The following SCAPER variants were observed in gnomAD, a reference collection of about 807,000 sequenced individuals.
SCAPER encodes S-phase cyclin A associated protein in the ER.
SCAPER carries 98 observed loss-of-function variants against 182.2 expected under a neutral mutation model. The observed-to-expected ratio is 0.54, with a 90% CI of 0.46 to 0.64. The LOEUF (loss-of-function observed/expected upper bound fraction) is 0.64, where lower values mean the gene tolerates loss of function less well. SCAPER is among the 30% of genes least tolerant of loss of function. The pLI, the probability that SCAPER is intolerant of heterozygous loss-of-function variation, is 0.00. For synonymous variants in SCAPER, 605 were observed against 564.6 expected (o/e 1.07, Z -1.01); for missense variants, 1,432 against 1,690.0 (o/e 0.85, Z 2.68).
chr15:76,631,251 G>A (rs774482056), intron 21 of SCAPER, among the ~76,000 whole-genome samples: 6 of 152,128 alleles, frequency 3.9e-5, no homozygotes, highest in African/African-American at 7.2e-5. Flanking sequence ...CCAGCTCGCC[G>A]TTCTGTGTCT....
At chr15:76,896,620 A>G (rs1269060808) in intron 1 of SCAPER, among the ~76,000 whole-genome samples, 1 of 152,066 alleles carries the variant, frequency 6.6e-6, no homozygotes, top group Non-Finnish European at 1.5e-5. Context: ...AAGAGAAAAA[A>G]CAATCCTAGA....
intron 31 of SCAPER, 67 bp downstream of exon 31, chr15:76,351,170 G>A (rs2040517986): frequency 1.3e-5 from 18 of 1,392,940 alleles, no homozygotes; most frequent in Non-Finnish European, 1.8e-5. Flanking sequence ...CAGTTCCAGA[G>A]GAAAGGATAA....
chr15:76,718,587 G>A (rs2060017517), intron 17 of SCAPER, among the ~76,000 whole-genome samples: 1 of 151,314 alleles, frequency 6.6e-6, no homozygotes, highest in African/African-American at 2.4e-5. Flanking sequence ...GCTGCAGTGA[G>A]CCAAAATCAT....
intron 5 of SCAPER, among the ~76,000 whole-genome samples, chr15:76,816,343 C>G (rs1451203633): frequency 2.6e-5 from 4 of 152,104 alleles, no homozygotes; most frequent in African/African-American, 7.2e-5. Context: ...ATTCTATAAG[C>G]TTTTTCCTAT....
chr15:76,794,584 C>A (rs1270217101), intron 8 of SCAPER, among the ~76,000 whole-genome samples: 1 of 152,150 alleles, frequency 6.6e-6, no homozygotes, highest in African/African-American at 2.4e-5. Flanking sequence ...TCTTTCTGAA[C>A]CGAAAAGTTC....
intron 2 of SCAPER, among the ~76,000 whole-genome samples, chr15:76,879,762 G>A (rs1363416327): frequency 1.3e-5 from 2 of 151,936 alleles, no homozygotes; most frequent in African/African-American, 2.4e-5. Context: ...TAAATGTAAC[G>A]TCCTAAGGCT....
intron 15 of SCAPER, 62 bp downstream of exon 15, chr15:76,753,741 CTATTA>C: frequency 4.0e-6 from 6 of 1,491,538 alleles, no homozygotes; most frequent in Middle Eastern, 1.8e-4. Flanking sequence ...TCTTCTATTA[CTATTA>C]TATAACAATT....
At chr15:76,449,162 C>A (rs2048202661) in intron 25 of SCAPER, among the ~76,000 whole-genome samples, 2 of 152,112 alleles carry the variant, frequency 1.3e-5, no homozygotes, top group South Asian at 2.1e-4. Context: ...ATTTATTTTT[C>A]TATAAAGGCC....
intron 2 of SCAPER, among the ~76,000 whole-genome samples, chr15:76,876,438 C>CAAAAAAAA (rs33959211): frequency 1.6e-5 from 2 of 122,754 alleles, no homozygotes; most frequent in Non-Finnish European, 1.7e-5. Flanking sequence ...AAAACAAAAG[C>CAAAAAAAA]AAAAAAAAAA....
intron 2 of SCAPER, among the ~76,000 whole-genome samples, chr15:76,879,698 A>C (rs2151947280): frequency 6.6e-6 from 1 of 152,306 alleles, no homozygotes; most frequent in South Asian, 2.1e-4. Flanking sequence ...AAGCATTCTA[A>C]GAGAGTATTC....
intron 23 of SCAPER, among the ~76,000 whole-genome samples, chr15:76,573,079 T>C (rs973518110): frequency 6.6e-6 from 1 of 152,094 alleles, no homozygotes; most frequent in Non-Finnish European, 1.5e-5. Flanking sequence ...TAACTTTGAC[T>C]GAAAAAATAA....
chr15:76,687,356 C>G (rs1232245502), intron 20 of SCAPER, among the ~76,000 whole-genome samples: 3 of 152,036 alleles, frequency 2.0e-5, no homozygotes, highest in African/African-American at 7.2e-5. Context: ...CAAAGTGGAA[C>G]TTATATAAGC....
At chr15:76,412,538 C>T (rs954921842) in intron 26 of SCAPER, among the ~76,000 whole-genome samples, 1 of 152,004 alleles carries the variant, frequency 6.6e-6, no homozygotes, top group Non-Finnish European at 1.5e-5. Flanking sequence ...TCAGCTCCCC[C>T]ACCCCAAATA....
At chr15:76,527,688 T>A (rs1368500308) in intron 23 of SCAPER, among the ~76,000 whole-genome samples, 1 of 152,216 alleles carries the variant, frequency 6.6e-6, no homozygotes, top group Admixed American at 6.5e-5. Context: ...GTCACAACAG[T>A]CTGCCTCCGG....
At chr15:76,508,810 T>C (rs1343334346) in intron 23 of SCAPER, among the ~76,000 whole-genome samples, 1 of 152,188 alleles carries the variant, frequency 6.6e-6, no homozygotes, top group African/African-American at 2.4e-5. Flanking sequence ...CTCCAGAAAG[T>C]TCCCCCATGC....
intron 20 of SCAPER, among the ~76,000 whole-genome samples, chr15:76,692,696 G>GAAA (rs71143354): frequency 0.31 from 30,660 of 98,674 alleles, 4,283 homozygotes; most frequent in East Asian, 0.56. Context: ...TTCAAAAAAA[G>GAAA]AAAAAAAAAA....
At chr15:76,561,342 A>G (rs540536087) in intron 23 of SCAPER, among the ~76,000 whole-genome samples, 1 of 152,284 alleles carries the variant, frequency 6.6e-6, no homozygotes, top group Non-Finnish European at 1.5e-5. Context: ...GATATTTCTT[A>G]CCTATTGTAA....
chr15:76,649,361 T>G (rs946183876), intron 21 of SCAPER, among the ~76,000 whole-genome samples: 1 of 151,950 alleles, frequency 6.6e-6, no homozygotes, highest in East Asian at 1.9e-4. Flanking sequence ...GCCTGAGAAG[T>G]TGAGGCTACA....
intron 8 of SCAPER, among the ~76,000 whole-genome samples, chr15:76,789,954 C>T (rs2064882022): frequency 6.6e-6 from 1 of 152,220 alleles, no homozygotes; most frequent in East Asian, 1.9e-4. Flanking sequence ...TGGGGCCGGG[C>T]GCGGTGGCTC....
Sources: gnomAD v4.1 joint callset for allele counts (sites outside exome capture counted in the v4.1 genomes callset) on GRCh38, gnomAD v4.1.1 for gene constraint, MANE v1.5 for transcripts, NCBI Gene and HGNC (gene_info 2026-07-23, HGNC 2026-07-21) for gene names.